Variants in BMP5 observed in about 807,000 individuals in gnomAD.
BMP5 encodes bone morphogenetic protein 5.
A neutral mutation model predicts 46.6 loss-of-function variants in BMP5; 23 were observed. The observed-to-expected ratio is 0.49, with a 90% CI of 0.35 to 0.70. BMP5 has a LOEUF of 0.70. Ranked by LOEUF, BMP5 falls within the 30% of genes least tolerant of loss-of-function variation. The pLI, the probability that BMP5 is intolerant of heterozygous loss-of-function variation, is 0.00. For synonymous variants in BMP5, 204 were observed against 191.9 expected, an observed-to-expected ratio of 1.06 and a Z score of -0.52; for missense variants, 545 against 565.6, an observed-to-expected ratio of 0.96 and a Z score of 0.37.
intron 3 of BMP5, among the ~76,000 whole-genome samples, chr6:55,785,846 G>T (rs962596282): frequency 4.6e-5 from 7 of 151,566 alleles, no homozygotes; most frequent in Admixed American, 3.3e-4. Context: ...AAAAGTAGAA[G>T]GCACTCTAAA....
intron 1 of BMP5, among the ~76,000 whole-genome samples, chr6:55,850,086 C>CTCTAAT (rs1777191953): frequency 1.3e-5 from 2 of 152,120 alleles, no homozygotes; most frequent in Non-Finnish European, 2.9e-5. Context: ...TCTAATACAT[C>CTCTAAT]ACCTTTCCTT....
At chr6:55,780,209 T>C (rs969253335) in intron 3 of BMP5, among the ~76,000 whole-genome samples, 10 of 61,914 alleles carry the variant, frequency 1.6e-4, no homozygotes, top group Non-Finnish European at 2.8e-4. Flanking sequence ...CTGTGGCTCA[T>C]AAGTAAAGGG....
intron 2 of BMP5, among the ~76,000 whole-genome samples, chr6:55,815,133 C>CAAAAAAAAAAA (rs35015007): frequency 2.6e-5 from 2 of 77,994 alleles, no homozygotes; most frequent in Non-Finnish European, 2.5e-5. Context: ...AACTCCATCT[C>CAAAAAAAAAAA]AAAAAAAAAA....
intron 1 of BMP5, among the ~76,000 whole-genome samples, chr6:55,864,912 A>G (rs1777606304): frequency 6.6e-6 from 1 of 152,106 alleles, no homozygotes. Context: ...ATCTGAAAAA[A>G]AAAACCCAAA....
intron 1 of BMP5, among the ~76,000 whole-genome samples, chr6:55,832,377 A>AT (rs1198012255): frequency 6.6e-6 from 1 of 152,180 alleles, no homozygotes; most frequent in East Asian, 1.9e-4. Context: ...CACTTGGCAG[A>AT]TCCCCCAAAT....
At position 55,840,020 on chromosome 6, in the gene BMP5, T is replaced by C. The variant is rs535446681; in HGVS notation, c.491-20173A>G. Among the ~76,000 whole-genome samples, 6 of 152,264 alleles carry C rather than the reference T, an allele frequency of 3.9e-5. No individual in the cohort carries two copies. In the South Asian group the frequency reaches 1.0e-3, roughly 26 times the overall value. ...CTTTACTTTTCTTAATGGTGTCTTA[T>C]AAACAGAAGTTTTTTATTTTGATGA... On this transcript the variant is annotated intron_variant, in intron 1 of 6. Transcript: ENST00000370830.
chr6:55,805,558 T>G (rs1775967655), intron 2 of BMP5, among the ~76,000 whole-genome samples: 1 of 152,152 alleles, frequency 6.6e-6, no homozygotes, highest in South Asian at 2.1e-4. Context: ...GCAGAATGAT[T>G]TATATTCCCT....
Position 55,774,143 on chromosome 6 carries a change from A to G in BMP5, c.933T>C (p.Leu311=). 1 of 1,613,158 alleles carries G rather than the reference A, an allele frequency of 6.2e-7. No homozygotes were observed. Among genetic ancestry groups the G allele is most frequent in the South Asian group, 1.1e-5 (1 of 91,068 alleles). The part of the protein sequence containing the change: ...MVAFFKASEV[L]LRSVRAANKR... ...TGTTGGCTGCTCTCACGGATCGAAG[A>G]AGTACCTCACTCGCCTTGAAGAAGG... The change falls in exon 4 of 7, where the codon CTT becomes CTC. Residue 311 remains leucine, a synonymous_variant. Coordinates refer to ENST00000370830, the MANE Select transcript of BMP5 (RefSeq NM_021073.4).
chr6:55,759,172 A>AAAAAAC (rs1774697357), intron 5 of BMP5, 57 bp from the exon 6 acceptor site: 9 of 738,874 alleles, frequency 1.2e-5, no homozygotes, highest in South Asian at 6.2e-5. Flanking sequence ...AAAAAAAAAA[A>AAAAAAC]AAAAAAAAAA....
chr6:55,843,667 A>C (rs1490681458), intron 1 of BMP5, among the ~76,000 whole-genome samples: 11 of 152,054 alleles, frequency 7.2e-5, no homozygotes, highest in Admixed American at 7.2e-4. Context: ...TAAGGGAAAA[A>C]ATAATCTGAA....
At chr6:55,760,413 G>A (rs1774741512) in intron 5 of BMP5, 44 bp downstream of exon 5, 7 of 1,539,524 alleles carry the variant, frequency 4.5e-6, no homozygotes, top group Non-Finnish European at 6.3e-6. Flanking sequence ...AAGGATTTAT[G>A]ATAATTCAGA....
chr6:55,764,622 A>G (rs1356442543), intron 4 of BMP5, among the ~76,000 whole-genome samples: 1 of 151,682 alleles, frequency 6.6e-6, no homozygotes, highest in Non-Finnish European at 1.5e-5. Context: ...AAAAAAGTCA[A>G]TTAGAGCAAG....
chr6:55,818,196 A>T (rs573514757), intron 2 of BMP5, among the ~76,000 whole-genome samples: 1 of 151,488 alleles, frequency 6.6e-6, no homozygotes, highest in Non-Finnish European at 1.5e-5. Flanking sequence ...ACTTTAGATG[A>T]CATGTATACA....
At chr6:55,797,269 G>A (rs564869578) in intron 2 of BMP5, among the ~76,000 whole-genome samples, 1 of 152,160 alleles carries the variant, frequency 6.6e-6, no homozygotes, top group South Asian at 2.1e-4. Flanking sequence ...TTATACTACC[G>A]GGAATAGTAA....
chr6:55,755,798 C>T lies in BMP5; in HGVS notation c.1216-116G>A, dbSNP rs928051550. On this transcript the variant is annotated intron_variant, in intron 6 of 6. Coordinates refer to ENST00000370830, the MANE Select transcript of BMP5 (RefSeq NM_021073.4). ...ATCAGGCACACCATTAAGCTGATCT[C>T]CCTTCTCCCATTTATTCCATGACTG... 3 of 1,007,824 alleles carry T rather than the reference C, an allele frequency of 3.0e-6. No individual in the cohort carries two copies. In the African/African-American group the frequency reaches 4.9e-5, roughly 16 times the overall value. The allele number at this position is 1,007,824 out of a possible 1,614,324, so 62.4% of individuals were successfully genotyped here. A position where few individuals can be genotyped will look rare whatever the true frequency, so the allele number is the denominator to read the frequency against.
chr6:55,782,227 C>A (rs987562400), intron 3 of BMP5, among the ~76,000 whole-genome samples: 1 of 152,006 alleles, frequency 6.6e-6, no homozygotes, highest in Non-Finnish European at 1.5e-5. Context: ...CATTGAAACA[C>A]CACATTGTAC....
rs554620162 is a variant in BMP5 at position 55,837,981 on chromosome 6, G to A, written c.491-18134C>T. 4.6e-5 allele frequency among the ~76,000 whole-genome samples: 7 copies of A among 152,262 alleles called. No individual in the cohort carries two copies. In the South Asian group the frequency reaches 6.2e-4, roughly 14 times the overall value. On this transcript the variant is annotated intron_variant, in intron 1 of 6. Transcript: ENST00000370830. ...TAGTTTCATCCATATTGTTGCAAAC[G>A]ACTGGGTCTCATTCTTTTTCGTGGC... is the stretch of plus-strand genomic sequence containing the variant.
chr6:55,816,297 T>C (rs1270091418), intron 2 of BMP5, among the ~76,000 whole-genome samples: 1 of 152,106 alleles, frequency 6.6e-6, no homozygotes, highest in Non-Finnish European at 1.5e-5. Flanking sequence ...TAACTTATCC[T>C]TATCTCTTCT....
At chr6:55,756,886 G>T (rs905335385) in intron 6 of BMP5, among the ~76,000 whole-genome samples, 9 of 151,842 alleles carry the variant, frequency 5.9e-5, no homozygotes, top group Non-Finnish European at 1.2e-4. Flanking sequence ...AAAATGGATT[G>T]TTCTTGAATG....
Sources: gnomAD v4.1 joint callset for allele counts (sites outside exome capture counted in the v4.1 genomes callset) on GRCh38, gnomAD v4.1.1 for gene constraint, MANE v1.5 for transcripts, NCBI Gene and HGNC (gene_info 2026-07-23, HGNC 2026-07-21) for gene names.